HSD17B12: variants seen among roughly 807,000 people sequenced by gnomAD.
The protein encoded by HSD17B12 is hydroxysteroid 17-beta dehydrogenase 12, also known as very-long-chain 3-oxoacyl-CoA reductase.
Under a neutral mutation model 39.3 loss-of-function variants are expected in HSD17B12, and 32 were observed. The observed-to-expected ratio is 0.81, with a 90% CI of 0.61 to 1.09. The LOEUF is 1.09. Among genes scored for constraint, HSD17B12 ranks in the 50% least tolerant of loss-of-function variants. The pLI is 0.00. For missense variants in HSD17B12, 342 were observed against 382.9 expected, an observed-to-expected ratio of 0.89 and a Z score of 0.89; for synonymous variants, 150 against 146.7, an observed-to-expected ratio of 1.02 and a Z score of -0.16.
chr11:43,813,084 G>A (rs184631281), intron 4 of HSD17B12, among the ~76,000 whole-genome samples: 154 of 152,142 alleles, frequency 1.0e-3, no homozygotes, highest in Admixed American at 1.7e-3. Context: ...CTCGTGATCC[G>A]CCTGCCTCAG....
intron 3 of HSD17B12, among the ~76,000 whole-genome samples, chr11:43,757,362 G>A (rs1038033775): frequency 2.0e-5 from 3 of 151,984 alleles, no homozygotes; most frequent in African/African-American, 4.8e-5. Flanking sequence ...GGCCGGGCGC[G>A]GTGGCTCACG....
At chr11:43,645,420 A>C in the HSD17B12 span, 1 of 152,104 alleles carries the variant, frequency 6.6e-6, no homozygotes, top group Non-Finnish European at 1.5e-5. Flanking sequence ...TATCTAAAAC[A>C]TTTTTTCATT....
At chr11:43,764,141 A>G (rs1016455519) in intron 3 of HSD17B12, among the ~76,000 whole-genome samples, 2 of 152,144 alleles carry the variant, frequency 1.3e-5, no homozygotes, top group Admixed American at 6.5e-5. Flanking sequence ...ATTTACCTTA[A>G]TTAGGAGTGT....
chr11:43,759,151 T>C (rs897541512), intron 3 of HSD17B12, among the ~76,000 whole-genome samples: 1 of 152,204 alleles, frequency 6.6e-6, no homozygotes, highest in African/African-American at 2.4e-5. Flanking sequence ...AAATGGGGGA[T>C]TGATGAGGAA....
chr11:43,645,556 T>G, the HSD17B12 span: 1 of 152,228 alleles, frequency 6.6e-6, no homozygotes, highest in Non-Finnish European at 1.5e-5. Flanking sequence ...AAAATTGTAT[T>G]CCATTTCTCT....
chr11:43,658,203 G>T, the HSD17B12 span, among the ~76,000 whole-genome samples: 15 of 152,140 alleles, frequency 9.9e-5, no homozygotes, highest in Non-Finnish European at 2.2e-4. Context: ...ACTGAGGCTT[G>T]TGCGTTCGTC....
upstream of HSD17B12, among the ~76,000 whole-genome samples, chr11:43,678,482 G>T (rs932719814): frequency 3.9e-5 from 6 of 152,100 alleles, no homozygotes; most frequent in Non-Finnish European, 8.8e-5. Context: ...CATTGCTTTT[G>T]GTGCTTTAGA....
At chr11:43,557,965 T>C in the HSD17B12 span, among the ~76,000 whole-genome samples, 1 of 152,100 alleles carries the variant, frequency 6.6e-6, no homozygotes, top group Non-Finnish European at 1.5e-5. Flanking sequence ...AGAGATCGTA[T>C]GGTGCTTGGG....
chr11:43,768,412 T>G (rs1950616851), intron 3 of HSD17B12, among the ~76,000 whole-genome samples: 1 of 152,222 alleles, frequency 6.6e-6, no homozygotes, highest in Admixed American at 6.5e-5. Context: ...TAGAGCACAG[T>G]AGCACAATCT....
the HSD17B12 span, among the ~76,000 whole-genome samples, chr11:43,649,669 A>G: frequency 4.6e-5 from 7 of 152,248 alleles, no homozygotes; most frequent in Admixed American, 4.6e-4. Context: ...CTATTGTGAC[A>G]ATGTCACTCT....
At chr11:43,816,980 ATATATCTATATC>A (rs57362643) in intron 6 of HSD17B12, among the ~76,000 whole-genome samples, 8,195 of 132,546 alleles carry the variant, frequency 0.062, 339 homozygotes, top group Admixed American at 0.085. Flanking sequence ...ATTCCATCAT[ATATATCTATATC>A]TATATCTATA....
intron 3 of HSD17B12, among the ~76,000 whole-genome samples, chr11:43,780,310 C>A (rs1950752090): frequency 6.6e-6 from 1 of 152,046 alleles, no homozygotes; most frequent in Non-Finnish European, 1.5e-5. Flanking sequence ...GGATTACAGG[C>A]ACCCACCACC....
intron 1 of HSD17B12, among the ~76,000 whole-genome samples, chr11:43,747,304 C>A (rs1324531739): frequency 6.6e-6 from 1 of 152,034 alleles, no homozygotes; most frequent in East Asian, 1.9e-4. Context: ...TAAAGATGTG[C>A]CAAGTGTTGT....
the HSD17B12 span, among the ~76,000 whole-genome samples, chr11:43,580,952 G>C: frequency 6.6e-6 from 1 of 152,000 alleles, no homozygotes; most frequent in Non-Finnish European, 1.5e-5. Context: ...CTGTAGTCAC[G>C]GCTGGAACCT....
intron 3 of HSD17B12, among the ~76,000 whole-genome samples, chr11:43,760,379 T>C (rs772405932): frequency 5.3e-5 from 8 of 152,134 alleles, no homozygotes; most frequent in Non-Finnish European, 1.0e-4. Flanking sequence ...TGGATGCAGT[T>C]TAATAAACTT....
chr11:43,705,174 T>C (rs1394930386), intron 1 of HSD17B12, among the ~76,000 whole-genome samples: 1 of 152,244 alleles, frequency 6.6e-6, no homozygotes, highest in Non-Finnish European at 1.5e-5. Context: ...GGGATATGGT[T>C]GCAAGTCTTA....
chr11:43,696,259 G>A (rs991182195), intron 1 of HSD17B12, among the ~76,000 whole-genome samples: 1 of 152,104 alleles, frequency 6.6e-6, no homozygotes, highest in African/African-American at 2.4e-5. Context: ...AGAATATAGT[G>A]ATGAGCAAGA....
rs34783257 is a variant in HSD17B12, at chr11:43,771,462, CTTTTTTTTTTTT to C, written c.283+17352_283+17363del. Among the ~76,000 whole-genome samples the C allele has an allele frequency of 4.4e-5, 4 of 90,634 alleles. No individual in the cohort carries two copies. The South Asian group carries it at 1.6e-3, about 36-fold the overall frequency. The allele number at this position is 90,634 out of a possible 152,430, so 59.5% of individuals were successfully genotyped here. Reference sequence around the variant, plus strand: ...ATATATGTAGGAGTGGACTCATATTCTTTTTTTTTTTTTTTTTTTTTTGAGACAGAGTATCGC... The same window carrying C: ...ATATATGTAGGAGTGGACTCATATTCTTTTTTTTTTGAGACAGAGTATCGC... On this transcript the variant is annotated intron_variant, in intron 3 of 10. Coordinates refer to ENST00000278353, the MANE Select transcript of HSD17B12 (RefSeq NM_016142.3).
chr11:43,622,081 C>T, the HSD17B12 span, among the ~76,000 whole-genome samples: 1 of 152,108 alleles, frequency 6.6e-6, no homozygotes, highest in Non-Finnish European at 1.5e-5. Context: ...CAGCCTTTTC[C>T]CCTTTTGTCC....
Sources: allele counts gnomAD v4.1 joint callset (sites outside exome capture counted in the v4.1 genomes callset), GRCh38; gene constraint gnomAD v4.1.1; transcripts MANE v1.5; gene names NCBI Gene and HGNC (gene_info 2026-07-23, HGNC 2026-07-21).